Variants in SH2D1A observed in about 807,000 individuals in gnomAD.
The protein encoded by SH2D1A is SH2 domain-containing protein 1A.
Under a neutral mutation model 10.1 loss-of-function variants are expected in SH2D1A, and 6 were observed. That is an observed-to-expected ratio of 0.60 (90% CI 0.33 to 1.18). The LOEUF (loss-of-function observed/expected upper bound fraction) is 1.18. SH2D1A is among the 50% of genes most tolerant of loss of function. The pLI is 0.04. For missense variants in SH2D1A, 51 were observed against 97.6 expected (o/e 0.52, Z 2.01); for synonymous variants, 42 against 36.9 (o/e 1.14, Z -0.51).
intron 1 of SH2D1A, 44 bp downstream of exon 1, chrX:124,346,823 G>A (rs771322306): frequency 8.3e-7 from 1 of 1,204,137 alleles, no homozygotes; most frequent in Non-Finnish European, 1.1e-6. Context: ...GGGTGTGGGC[G>A]GTGGGCAACA....
At chrX:124,350,283 T>A (rs866533769) in intron 1 of SH2D1A, among the ~76,000 whole-genome samples, 1 of 24,122 alleles carries the variant, frequency 4.1e-5, no homozygotes, top group African/African-American at 3.3e-4. Context: ...TATATAATAT[T>A]ATATAATATA....
chrX:124,367,501 T>C (rs2060058853), intron 2 of SH2D1A: 1 of 111,759 alleles, frequency 8.9e-6, no homozygotes, highest in African/African-American at 3.3e-5. Flanking sequence ...AGGATGAGAG[T>C]TGTCAGTGGT....
intron 1 of SH2D1A, among the ~76,000 whole-genome samples, chrX:124,361,100 G>A (rs1005422297): frequency 5.4e-5 from 6 of 111,686 alleles, no homozygotes; most frequent in Non-Finnish European, 9.4e-5. Context: ...AAATTCACAC[G>A]TTTAAACCCT....
intron 2 of SH2D1A, among the ~76,000 whole-genome samples, chrX:124,368,832 C>A (rs2060062362): frequency 1.8e-5 from 2 of 112,356 alleles, no homozygotes; most frequent in Admixed American, 9.4e-5. Context: ...CTATGACCTG[C>A]ATTTGCAATT....
chrX:124,372,927 T>C lies in SH2D1A; in HGVS notation c.*1536T>C, dbSNP rs2060073321. 1 of 156,464 alleles carries C rather than the reference T, an allele frequency of 6.4e-6. No individual in the cohort carries two copies. The highest frequency in any genetic ancestry group is 3.3e-4 in the South Asian group (1 of 3,014). 12.9% of individuals were successfully genotyped at this position (156,464 alleles called of 1,213,427 possible). ...AACTTGTAAAGGAATTTAAAAATCC[T>C]ACTTTCATAATAAGTTGCATAGGTT... On this transcript the variant is annotated 3_prime_UTR_variant, in exon 4 of 4. Coordinates refer to ENST00000371139, the MANE Select transcript of SH2D1A (RefSeq NM_002351.5).
At position 124,370,241 on chromosome X, in the gene SH2D1A, G is replaced by A; in HGVS notation, c.267G>A (p.Lys89=). ...AAAATCTCATTTCAGCATTTCAGAA[G>A]CCAGATCAAGGCATTGTAATACCTC... ...KIKNLISAFQ[K]PDQGIVIPLQ... Residue 89 remains lysine, a synonymous_variant, in exon 3 of 4, where the codon AAG becomes AAA. Transcript: ENST00000371139. The A allele has an allele frequency of 8.4e-7, 1 of 1,189,330 alleles. No homozygotes were observed. Among genetic ancestry groups the A allele is most frequent in the Non-Finnish European group, 1.1e-6 (1 of 875,140 alleles).
intron 1 of SH2D1A, among the ~76,000 whole-genome samples, chrX:124,356,188 A>G (rs1207460661): frequency 2.7e-5 from 3 of 109,405 alleles, no homozygotes; most frequent in Admixed American, 9.8e-5. Flanking sequence ...TTTGCTGAGA[A>G]TGATCGTTTC....
Position 124,346,578 on chromosome X carries a change from GC to G in SH2D1A, c.-64del. 8.5e-7 allele frequency: 1 copy of G among 1,177,740 alleles called. No homozygotes were observed. Among genetic ancestry groups the G allele is most frequent in the Non-Finnish European group, 1.2e-6 (1 of 865,407 alleles). On this transcript the variant is annotated 5_prime_UTR_variant, in exon 1 of 4. Coordinates refer to ENST00000371139, the MANE Select transcript of SH2D1A (RefSeq NM_002351.5). The stretch of plus-strand genomic sequence containing the variant: ...TCAGGTGGTTGACTTGTGCCTGGCT[GC>G]AGTAGCAGCGGCATCTCCCTTGCAC...
chrX:124,352,506 A>G (rs1374036623), intron 1 of SH2D1A, among the ~76,000 whole-genome samples: 1 of 112,003 alleles, frequency 8.9e-6, no homozygotes, highest in Non-Finnish European at 1.9e-5. Flanking sequence ...TAGCTCTCAC[A>G]TGCCAGTGAG....
intron 1 of SH2D1A, among the ~76,000 whole-genome samples, chrX:124,357,236 G>A (rs1315073996): frequency 9.0e-6 from 1 of 111,560 alleles, no homozygotes; most frequent in Non-Finnish European, 1.9e-5. Context: ...GAAACTACGC[G>A]GTATTTGTTT....
chrX:124,361,163 A>T (rs58196859), intron 1 of SH2D1A, among the ~76,000 whole-genome samples: 2,575 of 111,700 alleles, frequency 0.023, 76 homozygotes, highest in African/African-American at 0.08. Context: ...GTAATTAATG[A>T]TAAATGAGAT....
In SH2D1A at chrX:124,372,279, C is replaced by G. The variant is rs1569527718; in HGVS notation, c.*888C>G. ...TAAAAAAATTCCAAGTGATTGAAAC[C>G]TACACGAGATACAGAATTTTATGCG... On this transcript the variant is annotated 3_prime_UTR_variant, in exon 4 of 4. Transcript: ENST00000371139. 1 of 166,219 alleles carries G rather than the reference C, an allele frequency of 6.0e-6. No homozygotes were observed. 13.7% of individuals were successfully genotyped at this position (166,219 alleles called of 1,213,427 possible).
At chrX:124,364,365 T>C (rs767526050) in intron 1 of SH2D1A, 2 of 260,549 alleles carry the variant, frequency 7.7e-6, no homozygotes, top group South Asian at 4.0e-5. Context: ...GGAATAAGGA[T>C]ATAAAGAAAA....
rs2060025228 is a variant in SH2D1A at position 124,355,930 on chromosome X, C to CT, written c.137+9154dup. Among the ~76,000 whole-genome samples, 9 of 109,466 alleles carry CT rather than the reference C, an allele frequency of 8.2e-5. No individual in the cohort carries two copies. In the Admixed American group the frequency reaches 8.8e-4, roughly 11 times the overall value. On this transcript the variant is annotated intron_variant, in intron 1 of 3. Coordinates refer to ENST00000371139, the MANE Select transcript of SH2D1A (RefSeq NM_002351.5). Reference sequence around the variant, plus strand: ...TGTTTTGTGTGTGTTTTTTTTAATACTTTAAGTTCTAGGGTACATGTGCAC... The same window carrying CT: ...TGTTTTGTGTGTGTTTTTTTTAATACTTTTAAGTTCTAGGGTACATGTGCAC...
intron 1 of SH2D1A, among the ~76,000 whole-genome samples, chrX:124,351,093 A>ATT (rs1556619774): frequency 2.1e-5 from 2 of 93,258 alleles, no homozygotes; most frequent in South Asian, 4.3e-4. Context: ...ATAAATATAT[A>ATT]TTTATATATA....
intron 1 of SH2D1A, among the ~76,000 whole-genome samples, chrX:124,358,308 C>A (rs1826144816): frequency 9.0e-6 from 1 of 111,513 alleles, no homozygotes; most frequent in Non-Finnish European, 1.9e-5. Context: ...GCGTTTTCCT[C>A]TTGACTTGTT....
intron 1 of SH2D1A, among the ~76,000 whole-genome samples, chrX:124,357,252 C>T (rs1357185474): frequency 8.9e-6 from 1 of 112,082 alleles, no homozygotes; most frequent in African/African-American, 3.2e-5. Flanking sequence ...TGTTTCTCTG[C>T]GCATAGCTTA....
intron 1 of SH2D1A, among the ~76,000 whole-genome samples, chrX:124,349,893 T>C (rs927330040): frequency 9.3e-6 from 1 of 107,832 alleles, no homozygotes; most frequent in African/African-American, 3.4e-5. Context: ...CTATTAAAAA[T>C]AGTTCCTTAT....
chrX:124,370,207 G>A lies in SH2D1A; in HGVS notation c.233G>A (p.Arg78Gln). The change falls in exon 3 of 4, where the codon CGG (arginine) becomes CAG (glutamine). Residue 78 changes from arginine (R) to glutamine (Q), a missense_variant. Coordinates refer to ENST00000371139, the MANE Select transcript of SH2D1A (RefSeq NM_002351.5). The stretch of plus-strand genomic sequence containing the variant: ...CCTGGGGTACATAAAAGATATTTCC[G>A]GAAAATAAAAAATCTCATTTCAGCA... ...TAPGVHKRYF[R>Q]KIKNLISAFQ... The A allele has an allele frequency of 5.0e-6, 6 of 1,203,901 alleles. No homozygotes were observed. The highest frequency in any genetic ancestry group is 5.6e-6 in the Non-Finnish European group (5 of 888,817).
Sources: gnomAD v4.1 joint callset for allele counts (sites outside exome capture counted in the v4.1 genomes callset) on GRCh38, gnomAD v4.1.1 for gene constraint, MANE v1.5 for transcripts, NCBI Gene and HGNC (gene_info 2026-07-23, HGNC 2026-07-21) for gene names.